RNF19A: variants seen among roughly 807,000 people sequenced by gnomAD.
The protein encoded by RNF19A is ring finger protein 19A, RBR E3 ubiquitin protein ligase.
Under a neutral mutation model 75.7 loss-of-function variants are expected in RNF19A, and 32 were observed. That is an observed-to-expected ratio of 0.42 (90% CI 0.32 to 0.57). The LOEUF is 0.57. Ranked by LOEUF, RNF19A falls within the 20% of genes least tolerant of loss-of-function variation. The probability of loss-of-function intolerance (pLI) is 0.10; values close to 1 mark genes in which losing one functional copy is unlikely to be tolerated. For missense variants in RNF19A, 782 were observed against 1,036.3 expected (o/e 0.75, Z 3.37); for synonymous variants, 335 against 345.2 (o/e 0.97, Z 0.33).
upstream of RNF19A, among the ~76,000 whole-genome samples, chr8:100,314,171 GTGCCC>G (rs989091105): frequency 6.6e-6 from 1 of 151,620 alleles, no homozygotes; most frequent in African/African-American, 2.4e-5. The surrounding 1 kb of genome is among the most constrained non-coding windows in gnomAD (Gnocchi z 4.1). Context: ...CATGAGCCAC[GTGCCC>G]AGCCGAGAAC....
chr8:100,291,864 A>C (rs1193938626), intron 1 of RNF19A, among the ~76,000 whole-genome samples: 2 of 152,024 alleles, frequency 1.3e-5, no homozygotes, highest in African/African-American at 2.4e-5. Flanking sequence ...TTTGTTTTTT[A>C]GATGTCTGAC....
intron 2 of RNF19A, among the ~76,000 whole-genome samples, chr8:100,278,057 C>T (rs1202083222): frequency 6.6e-6 from 1 of 152,246 alleles, no homozygotes; most frequent in East Asian, 1.9e-4. Flanking sequence ...CTACTTCCAC[C>T]ACTTAATACT....
intron 2 of RNF19A, among the ~76,000 whole-genome samples, chr8:100,276,739 A>G (rs1053111285): frequency 1.1e-4 from 16 of 149,624 alleles, no homozygotes; most frequent in Admixed American, 4.0e-4. Context: ...AAAAAAAAAA[A>G]AAAAGAAAAA....
At chr8:100,328,013 T>A (rs748830359) in intron 1 of RNF19A, among the ~76,000 whole-genome samples, 20 of 152,236 alleles carry the variant, frequency 1.3e-4, no homozygotes, top group Admixed American at 2.6e-4. Context: ...CGCATCATGA[T>A]GAGTCTGAGA....
rs1317908501 is a variant in RNF19A at position 100,261,776 on chromosome 8, G to T, written c.1469-21C>A. The T allele has an allele frequency of 6.2e-7, 1 of 1,606,380 alleles. No individual in the cohort carries two copies. Among genetic ancestry groups the T allele is most frequent in the Non-Finnish European group, 8.5e-7 (1 of 1,173,050 alleles). On this transcript the variant is annotated intron_variant, in intron 7 of 9. Coordinates refer to ENST00000341084, the MANE Select transcript of RNF19A (RefSeq NM_183419.4). The surrounding 1 kb of genome is among the most constrained non-coding windows in gnomAD (Gnocchi z 4.4). ...TGTGTCTAAATGCAAATATTCCAAAGAAACTAAGTAAGTATGATTATCAAT... is the reference window on the plus strand; with the variant it reads ...TGTGTCTAAATGCAAATATTCCAAATAAACTAAGTAAGTATGATTATCAAT...
In RNF19A at chr8:100,259,746, G is replaced by A. The variant is rs1819625349; in HGVS notation, c.1826+108C>T. ...GACAGCTCACTGTTTCCTTTTCTCA[G>A]AGAACTTAATAGTTGGTAGCCACTT... On this transcript the variant is annotated intron_variant, in intron 9 of 9. Coordinates refer to ENST00000341084, the MANE Select transcript of RNF19A (RefSeq NM_183419.4). The surrounding 1 kb of genome is among the most constrained non-coding windows in gnomAD (Gnocchi z 4.5). The A allele has an allele frequency of 5.2e-6, 5 of 954,074 alleles. No individual in the cohort carries two copies. Among genetic ancestry groups the A allele is most frequent in the Non-Finnish European group, 6.2e-6 (4 of 646,210 alleles). 59.1% of individuals were successfully genotyped at this position (954,074 alleles called of 1,614,324 possible).
chr8:100,289,043 G>C (rs1821168151), intron 1 of RNF19A, among the ~76,000 whole-genome samples: 2 of 138,826 alleles, frequency 1.4e-5, no homozygotes, highest in South Asian at 4.7e-4. Context: ...CTGAGCAACA[G>C]TGCGAGACTC....
intron 1 of RNF19A, among the ~76,000 whole-genome samples, chr8:100,295,978 T>C (rs1433297080): frequency 6.6e-6 from 1 of 152,256 alleles, no homozygotes; most frequent in Non-Finnish European, 1.5e-5. Context: ...CTTATAAGAC[T>C]TGCTTATGAA....
intron 3 of RNF19A, among the ~76,000 whole-genome samples, chr8:100,272,654 A>G (rs1372917760): frequency 6.6e-6 from 1 of 151,862 alleles, no homozygotes; most frequent in African/African-American, 2.4e-5. Flanking sequence ...CCTCCACTTC[A>G]ATCTCCCAAG....
intron 2 of RNF19A, among the ~76,000 whole-genome samples, chr8:100,276,749 AAAG>A (rs1262894425): frequency 9.9e-5 from 15 of 151,840 alleles, no homozygotes; most frequent in Admixed American, 9.2e-4. Context: ...AAAAAGAAAA[AAAG>A]GAGTAAAATG....
At chr8:100,263,991 A>G in intron 7 of RNF19A, 43 bp downstream of exon 7, 1 of 1,563,162 alleles carries the variant, frequency 6.4e-7, no homozygotes, top group Non-Finnish European at 8.7e-7. Flanking sequence ...CACTACTTAC[A>G]CTGTTAATAA....
chr8:100,262,696 T>C (rs568403839), intron 7 of RNF19A, among the ~76,000 whole-genome samples: 1 of 152,296 alleles, frequency 6.6e-6, no homozygotes, highest in East Asian at 1.9e-4. Flanking sequence ...CATGTGACTA[T>C]GGCTGCACTA....
In RNF19A at chr8:100,298,464, A is replaced by G. The variant is rs1477271467; in HGVS notation, c.-93-10197T>C. On this transcript the variant is annotated intron_variant, in intron 1 of 9. Coordinates refer to ENST00000341084, the MANE Select transcript of RNF19A (RefSeq NM_183419.4). ...GGATAATTCAACATATCATTAGTGTAGGTGAGTATCAGTTTCCAACAAGTT... is the reference window on the plus strand; with the variant it reads ...GGATAATTCAACATATCATTAGTGTGGGTGAGTATCAGTTTCCAACAAGTT... 3.3e-5 allele frequency among the ~76,000 whole-genome samples: 5 copies of G among 152,356 alleles called. No individual in the cohort carries two copies. The East Asian group carries it at 9.6e-4, about 29-fold the overall frequency.
At chr8:100,290,412 A>C (rs1182385058) in intron 1 of RNF19A, among the ~76,000 whole-genome samples, 1 of 152,164 alleles carries the variant, frequency 6.6e-6, no homozygotes, top group Non-Finnish European at 1.5e-5. Context: ...AAACTTTCTT[A>C]ATATGTGCAG....
rs10103544 is a variant in RNF19A, at chr8:100,282,842, T to C, written c.674+4659A>G. Among the ~76,000 whole-genome samples the C allele has an allele frequency of 2.7e-3, 404 of 152,082 alleles. 1 individual carries two copies. Among genetic ancestry groups the C allele is most frequent in the Non-Finnish European group, 3.3e-3 (223 of 67,962 alleles). Reference sequence around the variant, plus strand: ...TTTAGTCCCTAAGTCTATGGCCCTATTTTTTTTAATCCATTAAGAACAATA... The same window carrying C: ...TTTAGTCCCTAAGTCTATGGCCCTACTTTTTTTAATCCATTAAGAACAATA... On this transcript the variant is annotated intron_variant, in intron 2 of 9. Transcript: ENST00000341084.
intron 2 of RNF19A, among the ~76,000 whole-genome samples, chr8:100,282,601 T>C (rs368459412): frequency 2.0e-5 from 3 of 152,204 alleles, no homozygotes; most frequent in African/African-American, 4.8e-5. Context: ...TTATTCATTA[T>C]GGCTCTTTAT....
chr8:100,268,968 G>A (rs748418733), intron 4 of RNF19A, 21 bp from the exon 5 acceptor site: 1 of 1,546,568 alleles, frequency 6.5e-7, no homozygotes, highest in South Asian at 1.2e-5. Context: ...AAATTATAAT[G>A]TAAATAACTG....
At chr8:100,319,913 G>A (rs1352520692) in intron 1 of RNF19A, among the ~76,000 whole-genome samples, 1 of 148,280 alleles carries the variant, frequency 6.7e-6, no homozygotes, top group African/African-American at 2.5e-5. Context: ...TTGGCTCACT[G>A]CAACCTCTGC....
intron 1 of RNF19A, among the ~76,000 whole-genome samples, chr8:100,320,769 A>AATAC (rs77166530): frequency 0.32 from 49,041 of 151,942 alleles, 8,553 homozygotes; most frequent in East Asian, 0.41. Context: ...GTAATAGCTC[A>AATAC]AGGCATACCT....
Sources: gnomAD v4.1 joint callset for allele counts (sites outside exome capture counted in the v4.1 genomes callset) on GRCh38, gnomAD v4.1.1 for gene constraint, Gnocchi (gnomAD v3.1) non-coding constraint, MANE v1.5 for transcripts, NCBI Gene and HGNC (gene_info 2026-07-23, HGNC 2026-07-21) for gene names.